Variants in NRDE2 observed in about 807,000 individuals in gnomAD.
The protein encoded by NRDE2 is nuclear exosome regulator NRDE2.
Under a neutral mutation model 124.2 loss-of-function variants are expected in NRDE2, and 76 were observed. The observed-to-expected ratio is 0.61, with a 90% CI of 0.51 to 0.74. NRDE2 has a LOEUF of 0.74. Ranked by LOEUF, NRDE2 falls within the 30% of genes least tolerant of loss-of-function variation. The pLI, the probability that NRDE2 is intolerant of heterozygous loss-of-function variation, is 0.00. For missense variants in NRDE2, 1,314 were observed against 1,417.3 expected (o/e 0.93, Z 1.17); for synonymous variants, 489 against 528.1 (o/e 0.93, Z 1.01).
intron 12 of NRDE2, 117 bp downstream of exon 12, chr14:90,286,237 A>G (rs1892097491): frequency 6.0e-6 from 7 of 1,165,486 alleles, no homozygotes; most frequent in Non-Finnish European, 8.3e-6. Context: ...TGAGAGTGAA[A>G]TATGGCCTCC....
chr14:90,309,522 A>AACCCAATC (rs1884750755), intron 4 of NRDE2, among the ~76,000 whole-genome samples: 1 of 151,450 alleles, frequency 6.6e-6, no homozygotes. Flanking sequence ...CTGTCTCCAT[A>AACCCAATC]ACCCAATCAA....
At chr14:90,285,143 C>A (rs1027051360) in intron 12 of NRDE2, among the ~76,000 whole-genome samples, 2 of 151,228 alleles carry the variant, frequency 1.3e-5, no homozygotes, top group Non-Finnish European at 3.0e-5. Flanking sequence ...GCTGGACTCA[C>A]GCTTGTAATC....
At chr14:90,286,737 C>T (rs887695164) in intron 11 of NRDE2, among the ~76,000 whole-genome samples, 3 of 152,192 alleles carry the variant, frequency 2.0e-5, no homozygotes, top group African/African-American at 7.2e-5. Flanking sequence ...AAAACCCACT[C>T]GCCTCTGTTT....
In NRDE2 at chr14:90,293,373, C is replaced by T. The variant is rs369384890; in HGVS notation, c.1667-501G>A. 1.9e-3 allele frequency among the ~76,000 whole-genome samples: 290 copies of T among 152,264 alleles called. 1 individual carries two copies. In the Middle Eastern group the frequency reaches 0.037, roughly 20 times the overall value. ...TCAAGCAATTCTCCTGCCTCAGCTT[C>T]CTGAGTAGCTGGGATTACAGGTATG... On this transcript the variant is annotated intron_variant, in intron 8 of 13. Transcript: ENST00000354366.
At chr14:90,325,192 G>C (rs1484184974) in intron 1 of NRDE2, among the ~76,000 whole-genome samples, 1 of 152,060 alleles carries the variant, frequency 6.6e-6, no homozygotes, top group Non-Finnish European at 1.5e-5. Flanking sequence ...AGGTTTGGGG[G>C]AAAAAGATAA....
At chr14:90,285,481 T>C (rs943540775) in intron 12 of NRDE2, among the ~76,000 whole-genome samples, 1 of 151,856 alleles carries the variant, frequency 6.6e-6, no homozygotes, top group Non-Finnish European at 1.5e-5. Flanking sequence ...TTTGTATTTT[T>C]AGTAGAGACG....
At chr14:90,305,951 G>A (rs1297935135) in intron 4 of NRDE2, among the ~76,000 whole-genome samples, 1 of 152,158 alleles carries the variant, frequency 6.6e-6, no homozygotes. Flanking sequence ...TAATACACAT[G>A]CTGAAGTATT....
intron 3 of NRDE2, among the ~76,000 whole-genome samples, chr14:90,315,397 A>G (rs942946477): frequency 9.2e-5 from 14 of 152,004 alleles, no homozygotes; most frequent in Admixed American, 3.3e-4. Context: ...ATTCCTGAAG[A>G]GTTGCAAAAA....
At position 90,290,468 on chromosome 14, in the gene NRDE2, A is replaced by G; in HGVS notation, c.1982T>C (p.Met661Thr). ...TPPASCLYLA[M>T]DENSIFDNGL... Reference sequence around the variant, plus strand: ...ATTATCAAAGATGCTGTTCTCATCCATGGCCAGATAAAGACAGGAGGCTGG... The same window carrying G: ...ATTATCAAAGATGCTGTTCTCATCCGTGGCCAGATAAAGACAGGAGGCTGG... Residue 661 changes from methionine (M) to threonine (T), a missense_variant, in exon 10 of 14, where the codon ATG (methionine) becomes ACG (threonine). Physicochemically the swap from Met to Thr is moderately conservative, Grantham distance 81. Coordinates refer to ENST00000354366, the MANE Select transcript of NRDE2 (RefSeq NM_017970.4). The G allele has an allele frequency of 6.2e-7, 1 of 1,614,096 alleles. No homozygotes were observed. Among genetic ancestry groups the G allele is most frequent in the Non-Finnish European group, 8.5e-7 (1 of 1,180,038 alleles).
chr14:90,274,019 T>TAACA lies in NRDE2; in HGVS notation c.*4313_*4316dup, dbSNP rs1891735149. On this transcript the variant is annotated 3_prime_UTR_variant, in exon 14 of 14. Coordinates refer to ENST00000354366, the MANE Select transcript of NRDE2 (RefSeq NM_017970.4). The stretch of plus-strand genomic sequence containing the variant: ...TATCTGCAAAGTTCCTTTTGCCATG[T>TAACA]AACATTCACACGTTCCAGGGCTTAG... The TAACA allele has an allele frequency of 6.5e-6, 1 of 154,902 alleles. No homozygotes were observed. The highest frequency in any genetic ancestry group is 2.4e-5 in the African/African-American group (1 of 41,538). 9.6% of individuals were successfully genotyped at this position (154,902 alleles called of 1,614,324 possible).
intron 3 of NRDE2, among the ~76,000 whole-genome samples, chr14:90,314,561 T>C (rs1227091338): frequency 6.6e-6 from 1 of 152,192 alleles, no homozygotes; most frequent in African/African-American, 2.4e-5. Flanking sequence ...AGATAGTTCC[T>C]GTGTGGTTTC....
At chr14:90,325,427 T>C (rs1267372535) in intron 1 of NRDE2, among the ~76,000 whole-genome samples, 1 of 152,164 alleles carries the variant, frequency 6.6e-6, no homozygotes, top group East Asian at 1.9e-4. Context: ...CCTGACACAA[T>C]GGCTGCTCCT....
chr14:90,329,774 G>A (rs868584444), intron 1 of NRDE2, among the ~76,000 whole-genome samples: 2 of 149,552 alleles, frequency 1.3e-5, no homozygotes, highest in Non-Finnish European at 3.0e-5. Flanking sequence ...GGAGGCGGAG[G>A]TTGCAGTGAG....
rs1891622537 is a variant in NRDE2 at position 90,270,072 on chromosome 14, A to AC, written c.*8263dup. The stretch of plus-strand genomic sequence containing the variant: ...TATATGTTTACTTTTTAAAATTTAG[A>AC]CATCCTTCCCACAGAATTCTGTCCG... On this transcript the variant is annotated 3_prime_UTR_variant, in exon 14 of 14. Transcript: ENST00000354366. 1 of 968,988 alleles carries AC rather than the reference A, an allele frequency of 1.0e-6. No individual in the cohort carries two copies. Among genetic ancestry groups the AC allele is most frequent in the African/African-American group, 1.6e-5 (1 of 60,732 alleles). The allele number at this position is 968,988 out of a possible 1,614,324, so 60.0% of individuals were successfully genotyped here. A position where few individuals can be genotyped will look rare whatever the true frequency, so the allele number is the denominator to read the frequency against.
At chr14:90,307,537 C>T (rs552998144) in intron 4 of NRDE2, among the ~76,000 whole-genome samples, 5 of 152,172 alleles carry the variant, frequency 3.3e-5, no homozygotes, top group South Asian at 2.1e-4. Flanking sequence ...ACCAGCCTGG[C>T]CAACATGGTG....
intron 7 of NRDE2, among the ~76,000 whole-genome samples, chr14:90,300,012 A>G (rs534869472): frequency 6.6e-6 from 1 of 152,342 alleles, no homozygotes; most frequent in East Asian, 1.9e-4. Context: ...CTTTGGAATC[A>G]CATGTGCTAT....
intron 12 of NRDE2, among the ~76,000 whole-genome samples, chr14:90,283,364 T>C (rs1280072842): frequency 1.3e-5 from 2 of 152,178 alleles, no homozygotes; most frequent in Non-Finnish European, 2.9e-5. Flanking sequence ...TTAGTAAAAA[T>C]ATTGTACATT....
chr14:90,322,891 T>C (rs1433434632), intron 1 of NRDE2, among the ~76,000 whole-genome samples: 1 of 152,244 alleles, frequency 6.6e-6, no homozygotes, highest in African/African-American at 2.4e-5. Context: ...ATATAAAATG[T>C]GTACATAGAT....
At position 90,268,531 on chromosome 14, in the gene NRDE2, C is replaced by A; in HGVS notation, c.*9805G>T. The A allele has an allele frequency of 1.0e-6, 1 of 966,028 alleles. No homozygotes were observed. The allele number at this position is 966,028 out of a possible 1,614,324, so 59.8% of individuals were successfully genotyped here. A position where few individuals can be genotyped will look rare whatever the true frequency, so the allele number is the denominator to read the frequency against. On this transcript the variant is annotated 3_prime_UTR_variant, in exon 14 of 14. Coordinates refer to ENST00000354366, the MANE Select transcript of NRDE2 (RefSeq NM_017970.4). ...TGGCCACAGTTCTTGCTGTGCGTGG[C>A]CTTCCATGCATGCTTTAGGCTCTGC...
Sources: gnomAD v4.1 joint callset for allele counts (sites outside exome capture counted in the v4.1 genomes callset) on GRCh38, gnomAD v4.1.1 for gene constraint, MANE v1.5 for transcripts, NCBI Gene and HGNC (gene_info 2026-07-23, HGNC 2026-07-21) for gene names.